DLGAP2: variants seen among roughly 807,000 people sequenced by gnomAD.
DLGAP2 encodes disks large-associated protein 2.
Under a neutral mutation model 100.3 loss-of-function variants are expected in DLGAP2, and 26 were observed. The ratio of observed to expected loss-of-function variants is 0.26; its 90% CI spans 0.19 to 0.36. The LOEUF is 0.36. Ranked by LOEUF, DLGAP2 falls within the 10% of genes least tolerant of loss-of-function variation. DLGAP2 has a pLI of 1.00. For missense variants in DLGAP2, 1,858 were observed against 1,453.2 expected, an observed-to-expected ratio of 1.28 and a Z score of -4.53; for synonymous variants, 886 against 630.1, an observed-to-expected ratio of 1.41 and a Z score of -6.08.
chr8:1,580,318 G>A (rs1250299622), intron 6 of DLGAP2, among the ~76,000 whole-genome samples: 1 of 152,178 alleles, frequency 6.6e-6, no homozygotes, highest in Admixed American at 6.5e-5. Flanking sequence ...CACAGATGGG[G>A]TTCATGGTTT....
Position 1,630,680 on chromosome 8 carries a change from C to T in DLGAP2, c.1591-2147C>T, listed in dbSNP as rs371988864. Among the ~76,000 whole-genome samples the T allele has an allele frequency of 8.7e-5, 13 of 150,062 alleles. 1 individual carries two copies. The highest frequency in any genetic ancestry group is 2.1e-4 in the South Asian group (1 of 4,702). On this transcript the variant is annotated intron_variant, in intron 7 of 14. Coordinates refer to ENST00000637795, the MANE Select transcript of DLGAP2 (RefSeq NM_001346810.2). ...TCACGCCACTGCACTCCAGCCTGGG[C>T]GACAGAGCGAGACTCCATCTCGAAA...
At chr8:1,568,783 G>A (rs1294080879) in intron 6 of DLGAP2, among the ~76,000 whole-genome samples, 32 of 54,258 alleles carry the variant, frequency 5.9e-4, no homozygotes, top group South Asian at 1.4e-3. Flanking sequence ...ACACAAATCC[G>A]TCTCTGCCCG....
intron 3 of DLGAP2, among the ~76,000 whole-genome samples, chr8:1,334,170 A>T (rs922969343): frequency 3.9e-5 from 6 of 152,252 alleles, no homozygotes; most frequent in Admixed American, 6.5e-5. Context: ...GGACATTCTG[A>T]TGGGCTGCCT....
intron 3 of DLGAP2, among the ~76,000 whole-genome samples, chr8:1,418,399 AT>A (rs1316391185): frequency 6.6e-6 from 1 of 152,164 alleles, no homozygotes; most frequent in Admixed American, 6.5e-5. Context: ...TAATTAATGG[AT>A]TTGATTCTGG....
intron 3 of DLGAP2, among the ~76,000 whole-genome samples, chr8:1,499,017 C>G (rs1021054964): frequency 6.6e-6 from 1 of 152,222 alleles, no homozygotes; most frequent in African/African-American, 2.4e-5. Flanking sequence ...CTCCTGTTCT[C>G]TCATCTGATA....
chr8:1,484,417 A>T (rs1333265279), intron 3 of DLGAP2, among the ~76,000 whole-genome samples: 1 of 152,260 alleles, frequency 6.6e-6, no homozygotes, highest in Non-Finnish European at 1.5e-5. Context: ...CTTCAAAAGA[A>T]AAAGGGAAAT....
rs569205048 is a variant in DLGAP2 at position 967,094 on chromosome 8, T to C, written c.73+59128T>C. Among the ~76,000 whole-genome samples the C allele has an allele frequency of 3.8e-4, 58 of 152,398 alleles. 1 individual carries two copies. In the South Asian group the frequency reaches 4.6e-3, roughly 12 times the overall value. ...AAACTTCTTTGTGTATTTACCTTTC[T>C]TGATTATACAGATGTCTTTCCAGCA... On this transcript the variant is annotated intron_variant, in intron 2 of 14. Transcript: ENST00000637795.
At chr8:1,452,162 G>A (rs936982310) in intron 3 of DLGAP2, among the ~76,000 whole-genome samples, 2 of 152,228 alleles carry the variant, frequency 1.3e-5, no homozygotes, top group Middle Eastern at 3.2e-3. Flanking sequence ...TCAGTTTGAG[G>A]CATAGCCCCG....
intron 3 of DLGAP2, among the ~76,000 whole-genome samples, chr8:1,284,530 C>T (rs1799884327): frequency 6.6e-6 from 1 of 152,198 alleles, no homozygotes; most frequent in Non-Finnish European, 1.5e-5. Context: ...GCTGTCAACT[C>T]ACCGCTTTCA....
At chr8:1,440,909 A>G (rs2130064378) in intron 3 of DLGAP2, among the ~76,000 whole-genome samples, 1 of 152,312 alleles carries the variant, frequency 6.6e-6, no homozygotes, top group Middle Eastern at 3.4e-3. Context: ...AGTTTGGAGG[A>G]CTGTCTTCTG....
chr8:1,422,561 TA>T (rs372845289), intron 3 of DLGAP2, among the ~76,000 whole-genome samples: 4,922 of 136,232 alleles, frequency 0.036, 203 homozygotes, highest in African/African-American at 0.094. Flanking sequence ...TCTTTGACAT[TA>T]AAAAAAAAAA....
At chr8:1,231,978 T>C (rs1798545374) in intron 2 of DLGAP2, among the ~76,000 whole-genome samples, 1 of 152,152 alleles carries the variant, frequency 6.6e-6, no homozygotes, top group Non-Finnish European at 1.5e-5. Flanking sequence ...TTAAAAAATG[T>C]AAATCTTCAA....
chr8:804,569 C>G (rs775522553), intron 1 of DLGAP2, among the ~76,000 whole-genome samples: 3 of 152,192 alleles, frequency 2.0e-5, no homozygotes, highest in Non-Finnish European at 4.4e-5. Flanking sequence ...ACAATTTGTG[C>G]TTATTCGAAG....
intron 4 of DLGAP2, among the ~76,000 whole-genome samples, chr8:1,521,786 G>C (rs1216491268): frequency 1.5e-5 from 2 of 134,252 alleles, no homozygotes; most frequent in Non-Finnish European, 3.2e-5. Context: ...GGAATACTCG[G>C]GCGGCAGGTG....
intron 2 of DLGAP2, among the ~76,000 whole-genome samples, chr8:1,148,563 C>G (rs1247862556): frequency 2.8e-5 from 1 of 35,224 alleles, no homozygotes; most frequent in East Asian, 4.4e-4. Flanking sequence ...GAACTTAATA[C>G]TTCAATTTTT....
At chr8:817,718 A>G (rs1796509328) in intron 1 of DLGAP2, among the ~76,000 whole-genome samples, 1 of 152,024 alleles carries the variant, frequency 6.6e-6, no homozygotes, top group South Asian at 2.1e-4. Flanking sequence ...ACCAAACTGT[A>G]GTGATTGTTT....
At chr8:1,133,085 G>C (rs1398107974) in intron 2 of DLGAP2, among the ~76,000 whole-genome samples, 2 of 152,212 alleles carry the variant, frequency 1.3e-5, no homozygotes, top group Non-Finnish European at 2.9e-5. Context: ...TTCAAGGGCA[G>C]TTTCCAGGCG....
chr8:877,964 C>T (rs1390449635), intron 1 of DLGAP2, among the ~76,000 whole-genome samples: 2 of 152,236 alleles, frequency 1.3e-5, no homozygotes, highest in Admixed American at 6.5e-5. Context: ...TCAAATCCCA[C>T]AGGTACTTGT....
At chr8:773,724 C>T (rs1821430116) in intron 1 of DLGAP2, among the ~76,000 whole-genome samples, 1 of 152,048 alleles carries the variant, frequency 6.6e-6, no homozygotes, top group African/African-American at 2.4e-5. Flanking sequence ...ATATATGCCA[C>T]ATTTTCTTAA....
Sources: allele counts gnomAD v4.1 joint callset (sites outside exome capture counted in the v4.1 genomes callset), GRCh38; gene constraint gnomAD v4.1.1; transcripts MANE v1.5; gene names NCBI Gene and HGNC (gene_info 2026-07-23, HGNC 2026-07-21).